Variants in MCTP2 observed in about 807,000 individuals in gnomAD.
MCTP2 encodes multiple C2 and transmembrane domain containing 2.
A neutral mutation model predicts 111.6 loss-of-function variants in MCTP2; 132 were observed. That is an observed-to-expected ratio of 1.18 (90% CI 1.03 to 1.37). The LOEUF (loss-of-function observed/expected upper bound fraction) is 1.37, where lower values mean the gene tolerates loss of function less well. Among genes scored for constraint, MCTP2 ranks in the 40% most tolerant of loss-of-function variants. MCTP2 has a pLI of 0.00. For synonymous variants in MCTP2, 395 were observed against 387.7 expected (o/e 1.02, Z -0.22); for missense variants, 1,183 against 1,067.9 (o/e 1.11, Z -1.50).
chr15:94,429,557 A>G (rs1171128287), intron 17 of MCTP2, among the ~76,000 whole-genome samples: 1 of 152,210 alleles, frequency 6.6e-6, no homozygotes, highest in East Asian at 1.9e-4. Flanking sequence ...TATTTTCAAG[A>G]ATACAGCCAT....
At chr15:94,311,552 C>T (rs555019269) in intron 2 of MCTP2, among the ~76,000 whole-genome samples, 1 of 152,266 alleles carries the variant, frequency 6.6e-6, no homozygotes, top group South Asian at 2.1e-4. Flanking sequence ...GCGGCTGTAA[C>T]TCCATCCTCC....
chr15:94,318,376 T>C (rs1291698951), intron 4 of MCTP2, among the ~76,000 whole-genome samples: 2 of 151,162 alleles, frequency 1.3e-5, no homozygotes, highest in African/African-American at 4.9e-5. Flanking sequence ...CTCCGCCTCC[T>C]GGGTTCAAGC....
chr15:94,293,070 T>C (rs2075102336), intron 1 of MCTP2: 1 of 152,092 alleles, frequency 6.6e-6, no homozygotes, highest in Admixed American at 6.5e-5. Context: ...TTAAATAAAT[T>C]ATAAATCTAA....
At chr15:94,443,504 C>T (rs1411021791) in intron 19 of MCTP2, among the ~76,000 whole-genome samples, 3 of 152,172 alleles carry the variant, frequency 2.0e-5, no homozygotes, top group African/African-American at 4.8e-5. Flanking sequence ...AAGTGAAATG[C>T]CAAATGAGAT....
intron 17 of MCTP2, among the ~76,000 whole-genome samples, chr15:94,422,353 T>C (rs1180419269): frequency 2.6e-5 from 4 of 152,164 alleles, no homozygotes; most frequent in African/African-American, 9.7e-5. Flanking sequence ...TGAGTGAGTG[T>C]AAGGGGCACT....
intron 1 of MCTP2, among the ~76,000 whole-genome samples, chr15:94,286,691 G>A (rs1297145041): frequency 6.6e-6 from 1 of 152,182 alleles, no homozygotes; most frequent in Non-Finnish European, 1.5e-5. Flanking sequence ...GAGATTTGGG[G>A]GCTGGTATTA....
intron 19 of MCTP2, among the ~76,000 whole-genome samples, chr15:94,443,904 C>A (rs537527143): frequency 1.3e-3 from 160 of 127,168 alleles, no homozygotes; most frequent in Non-Finnish European, 2.2e-4. Flanking sequence ...TGTTAGCTAG[C>A]GGTTTCTGAG....
At chr15:94,470,649 G>C (rs904937875) in intron 21 of MCTP2, among the ~76,000 whole-genome samples, 3 of 152,200 alleles carry the variant, frequency 2.0e-5, no homozygotes, top group African/African-American at 7.2e-5. Context: ...TAGGCCTCTT[G>C]CATAATTGCA....
Position 94,476,698 on chromosome 15 carries a change from A to T in MCTP2, c.2473A>T (p.Ile825Leu), listed in dbSNP as rs116786835. The T allele has an allele frequency of 2.7e-3, 4,216 of 1,538,050 alleles. 151 individuals carry two copies. In the African/African-American group the frequency reaches 0.052, roughly 19 times the overall value. The change falls in exon 22 of 23, where the codon ATA (isoleucine) becomes TTA (leucine). Residue 825 changes from isoleucine to leucine, a missense_variant and splice_region_variant. Transcript: ENST00000357742. ...PLRYIILIWG[I>L]NKFTKKLRNP... The stretch of plus-strand genomic sequence containing the variant: ...TCTCCTGTGTTTCTATTTTTCAGGC[A>T]TAAATAAATTTACTAAGAAGCTTCG...
chr15:94,470,572 T>C (rs1453539412), intron 21 of MCTP2, 130 bp downstream of exon 21: 5 of 747,918 alleles, frequency 6.7e-6, no homozygotes, highest in Non-Finnish European at 1.1e-5. Flanking sequence ...GGAAAGCATT[T>C]GGGGAACAAA....
At chr15:94,400,108 C>T in intron 16 of MCTP2, 113 bp downstream of exon 16, 1 of 803,942 alleles carries the variant, frequency 1.2e-6, no homozygotes, top group South Asian at 1.5e-5. Context: ...TCTTACTCCT[C>T]CTCTCTCCCT....
At chr15:94,336,070 C>T (rs1364638855) in intron 4 of MCTP2, among the ~76,000 whole-genome samples, 5 of 152,224 alleles carry the variant, frequency 3.3e-5, no homozygotes, top group African/African-American at 1.2e-4. Context: ...TTATAGGCTA[C>T]TTGGGCCTCC....
At chr15:94,419,900 A>C (rs568233424) in intron 17 of MCTP2, among the ~76,000 whole-genome samples, 1 of 152,256 alleles carries the variant, frequency 6.6e-6, no homozygotes, top group Admixed American at 6.5e-5. Flanking sequence ...ACAGATTTTC[A>C]ATGTAGAAGA....
chr15:94,318,821 T>C (rs982455482), intron 4 of MCTP2, among the ~76,000 whole-genome samples: 13 of 152,342 alleles, frequency 8.5e-5, no homozygotes, highest in Middle Eastern at 3.4e-3. Flanking sequence ...ACTTGCTCCA[T>C]ATCTTGCTGT....
intron 17 of MCTP2, among the ~76,000 whole-genome samples, chr15:94,406,998 C>G (rs2081935472): frequency 6.6e-6 from 1 of 151,294 alleles, no homozygotes; most frequent in Admixed American, 6.6e-5. Flanking sequence ...TAGTGGGGAT[C>G]TCTATTTTAT....
At chr15:94,475,936 C>T (rs562685400) in intron 21 of MCTP2, among the ~76,000 whole-genome samples, 1 of 152,332 alleles carries the variant, frequency 6.6e-6, no homozygotes, top group African/African-American at 2.4e-5. Context: ...TATCCTTGTC[C>T]TTGTCCTAAA....
At chr15:94,312,279 A>C (rs2076179143) in intron 2 of MCTP2, among the ~76,000 whole-genome samples, 1 of 152,190 alleles carries the variant, frequency 6.6e-6, no homozygotes, top group South Asian at 2.1e-4. Context: ...AAATCTATTG[A>C]TATTGGGAAA....
chr15:94,451,251 T>C (rs910418587), intron 19 of MCTP2, among the ~76,000 whole-genome samples: 8 of 152,180 alleles, frequency 5.3e-5, no homozygotes, highest in Non-Finnish European at 1.0e-4. Context: ...TTAGTTTACT[T>C]TTCTCACAGT....
At chr15:94,316,543 C>G (rs2076387202) in intron 4 of MCTP2, among the ~76,000 whole-genome samples, 1 of 152,204 alleles carries the variant, frequency 6.6e-6, no homozygotes, top group Admixed American at 6.5e-5. Context: ...TAGTAAGATT[C>G]ACCTACCTTA....
Sources: allele counts gnomAD v4.1 joint callset (sites outside exome capture counted in the v4.1 genomes callset), GRCh38; gene constraint gnomAD v4.1.1; transcripts MANE v1.5; gene names NCBI Gene and HGNC (gene_info 2026-07-23, HGNC 2026-07-21).